Variants in PODN observed in about 807,000 individuals in gnomAD.
PODN encodes the protein podocan proteoglycan.
A neutral mutation model predicts 52.7 loss-of-function variants in PODN; 40 were observed. That is an observed-to-expected ratio of 0.76 (90% confidence interval 0.59 to 0.99). PODN has a LOEUF of 0.99. Among genes scored for constraint, PODN ranks in the 50% least tolerant of loss-of-function variants. PODN has a pLI of 0.00. For missense variants in PODN, 720 were observed against 815.1 expected, an observed-to-expected ratio of 0.88 and a Z score of 1.42; for synonymous variants, 396 against 377.9, an observed-to-expected ratio of 1.05 and a Z score of -0.56.
rs1644303389 is a variant in PODN, at chr1:53,082,045, G to A, written c.1726G>A (p.Val576Ile). Residue 576 changes from valine (V) to isoleucine (I), a missense_variant, in exon 10 of 11, where the codon GTC becomes ATC. By Grantham distance (29) the Val-to-Ile change is conservative (BLOSUM62 3). Transcript: ENST00000312553. ...SAFRRLKHLQ[V>I]LDIEGNLEFG... is the part of the protein sequence containing the mutation. ...CTTCCGGAGGCTGAAGCACCTGCAG[G>A]TCTTGGACATTGAAGGCAACTTAGA... 6.2e-7 allele frequency: 1 copy of A among 1,613,902 alleles called. No homozygotes were observed. Among genetic ancestry groups the A allele is most frequent in the Non-Finnish European group, 8.5e-7 (1 of 1,179,932 alleles).
chr1:53,066,170 T>C (rs994558360), intron 1 of PODN, among the ~76,000 whole-genome samples: 3 of 151,980 alleles, frequency 2.0e-5, no homozygotes, highest in African/African-American at 7.3e-5. Context: ...TAATTTTTTG[T>C]ATTTTTTAGA....
Position 53,078,847 on chromosome 1 carries a change from C to T in PODN, c.1337C>T (p.Pro446Leu), listed in dbSNP as rs1359707979. The T allele has an allele frequency of 6.2e-7, 1 of 1,612,676 alleles. No homozygotes were observed. The highest frequency in any genetic ancestry group is 1.3e-5 in the African/African-American group (1 of 74,952). The stretch of plus-strand genomic sequence containing the variant: ...TCGGGCAACCGGCTGCACACGCTGC[C>T]ACCTGGGCTGCCTCGAAATGTCCAT... ...DLSGNRLHTL[P>L]PGLPRNVHVL... Residue 446 changes from proline to leucine, a missense_variant, in exon 8 of 11, where the codon CCA (proline) becomes CTA (leucine). Transcript: ENST00000312553.
At chr1:53,080,610 C>T in intron 8 of PODN, 118 bp from the exon 9 acceptor site, 7 of 1,095,622 alleles carry the variant, frequency 6.4e-6, no homozygotes, top group Admixed American at 2.4e-5. Flanking sequence ...GACACCCCCC[C>T]TCCTCCACAC....
intron 1 of PODN, among the ~76,000 whole-genome samples, chr1:53,065,923 G>T (rs1644025319): frequency 6.6e-6 from 1 of 151,100 alleles, no homozygotes; most frequent in Non-Finnish European, 1.5e-5. Context: ...CTGCAGACCA[G>T]CACTGTCCAA....
intron 3 of PODN, chr1:53,073,297 A>G (rs1176489876): frequency 5.7e-6 from 1 of 175,072 alleles, no homozygotes; most frequent in Non-Finnish European, 1.2e-5. Flanking sequence ...TGCCATTCCA[A>G]TGGGACAAAT....
chr1:53,067,037 G>A (rs536446002), intron 1 of PODN, among the ~76,000 whole-genome samples: 10 of 152,306 alleles, frequency 6.6e-5, no homozygotes, highest in South Asian at 4.1e-4. Context: ...TGAGCTGGCC[G>A]TGGAGTTTAT....
chr1:53,074,555 C>T (rs2150299720), intron 3 of PODN, 51 bp from the exon 4 acceptor site: 2 of 1,606,546 alleles, frequency 1.2e-6, no homozygotes, highest in South Asian at 2.2e-5. Context: ...GCTGTGCTTC[C>T]CTGTGGCGTC....
At chr1:53,065,970 A>G (rs1249187392) in intron 1 of PODN, among the ~76,000 whole-genome samples, 1 of 149,954 alleles carries the variant, frequency 6.7e-6, no homozygotes, top group African/African-American at 2.5e-5. Context: ...CAAGCCACAT[A>G]TGCAATGCAA....
At position 53,083,486 on chromosome 1, in the gene PODN, A is replaced by T. The variant is rs137971623; in HGVS notation, c.*28-1027A>T. ...AGAAGTTGCTGGCTTTAGCAGGAGG[A>T]ACAAAGGGCAGGGTGGCTGCTGTCA... On this transcript the variant is annotated intron_variant, in intron 10 of 10. Coordinates refer to ENST00000312553, the MANE Select transcript of PODN (RefSeq NM_153703.5). 5.1e-3 allele frequency among the ~76,000 whole-genome samples: 776 copies of T among 152,192 alleles called. 2 individuals are homozygous for T. The highest frequency in any genetic ancestry group is 8.1e-3 in the Non-Finnish European group (554 of 68,014).
At chr1:53,074,438 G>A (rs1205414145) in intron 3 of PODN, among the ~76,000 whole-genome samples, 168 bp from the exon 4 acceptor site, 3 of 152,156 alleles carry the variant, frequency 2.0e-5, no homozygotes, top group African/African-American at 7.2e-5. Context: ...ATGTGAGCAA[G>A]GAGAAAGAAC....
rs572181794 is a variant in PODN at position 53,077,381 on chromosome 1, A to G, written c.738+35A>G. ...GGAGGGGTAAGGAGGGGCACAGCAGACCCCACAGCCAGGGCACTGGGGCAG... is the reference window on the plus strand; with the variant it reads ...GGAGGGGTAAGGAGGGGCACAGCAGGCCCCACAGCCAGGGCACTGGGGCAG... On this transcript the variant is annotated intron_variant, in intron 6 of 10. Transcript: ENST00000312553. The G allele has an allele frequency of 3.3e-5, 53 of 1,608,272 alleles. No homozygotes were observed. In the Admixed American group the frequency reaches 4.0e-4, roughly 12 times the overall value.
rs368381545 is a variant in PODN, at chr1:53,078,990, C to T, written c.1480C>T (p.Pro494Ser). ...CCGACTGCGCAGCCGAGCCCTGGGC[C>T]CCCGTGCCTGGGTGGACCTCGCCCA... The part of the protein sequence containing the change: ...SNRLRSRALG[P>S]RAWVDLAHLQ... Residue 494 changes from proline (P) to serine (S), a missense_variant, in exon 8 of 11, where the codon CCC becomes TCC. Transcript: ENST00000312553. The T allele has an allele frequency of 5.7e-6, 9 of 1,565,840 alleles. No homozygotes were observed. Among genetic ancestry groups the T allele is most frequent in the African/African-American group, 1.4e-5 (1 of 73,868 alleles).
chr1:53,068,037 T>C (rs112326603), intron 1 of PODN, among the ~76,000 whole-genome samples: 14,241 of 151,958 alleles, frequency 0.094, 1,091 homozygotes, highest in African/African-American at 0.21. Context: ...ACCATGCCCA[T>C]GGAACAGACA....
intron 6 of PODN, 21 bp from the exon 7 acceptor site, chr1:53,077,664 C>G (rs917656087): frequency 6.2e-7 from 1 of 1,600,830 alleles, no homozygotes; most frequent in African/African-American, 1.3e-5. Context: ...ACAATCTCCT[C>G]CCTTCCCTTC....
Position 53,080,709 on chromosome 1 carries a change from C to G in PODN, c.1513-19C>G. 6.2e-7 allele frequency: 1 copy of G among 1,611,900 alleles called. No individual in the cohort carries two copies. The highest frequency in any genetic ancestry group is 1.1e-5 in the South Asian group (1 of 90,634). On this transcript the variant is annotated intron_variant, in intron 8 of 10. Coordinates refer to ENST00000312553, the MANE Select transcript of PODN (RefSeq NM_153703.5). Reference sequence around the variant, plus strand: ...TTTGCACAGGTGGGAGTCCCTGACTCCCTTGGTCACCCCTGCAGCTGCTGG... The same window carrying G: ...TTTGCACAGGTGGGAGTCCCTGACTGCCTTGGTCACCCCTGCAGCTGCTGG...
chr1:53,066,672 G>A lies in PODN; in HGVS notation c.-55-3129G>A, dbSNP rs1352228483. 3 of 662,888 alleles carry A rather than the reference G, an allele frequency of 4.5e-6. No individual in the cohort carries two copies. The Admixed American group carries it at 8.3e-5, about 18-fold the overall frequency. The allele number at this position is 662,888 out of a possible 1,614,324, so 41.1% of individuals were successfully genotyped here. A position where few individuals can be genotyped will look rare whatever the true frequency, so the allele number is the denominator to read the frequency against. ...TAGCATTGTTGATATGACGTGGGCT[G>A]GGAGCTCAGCTTTGCCACTTAACAG... is the stretch of plus-strand genomic sequence containing the variant. On this transcript the variant is annotated intron_variant, in intron 1 of 10. Coordinates refer to ENST00000312553, the MANE Select transcript of PODN (RefSeq NM_153703.5).
chr1:53,066,875 C>T (rs1644040569), intron 1 of PODN: 2 of 1,548,412 alleles, frequency 1.3e-6, no homozygotes, highest in African/African-American at 2.7e-5. Flanking sequence ...CTGGTATGTG[C>T]ACAGGATATG....
At position 53,078,618 on chromosome 1, in the gene PODN, G is replaced by A. The variant is rs143961951; in HGVS notation, c.1108G>A (p.Ala370Thr). The change falls in exon 8 of 11, where the codon GCG becomes ACG. Residue 370 changes from alanine (A) to threonine (T), a missense_variant. By Grantham distance (58) the Ala-to-Thr change is moderately conservative (BLOSUM62 0). Transcript: ENST00000312553. ...RLHTVHLYNNALERVPSGLPR... is the reference protein window; with the variant it reads ...RLHTVHLYNNTLERVPSGLPR... Reference sequence around the variant, plus strand: ...GCACACGGTGCACCTGTACAACAACGCGCTGGAGCGCGTGCCCAGTGGCCT... The same window carrying A: ...GCACACGGTGCACCTGTACAACAACACGCTGGAGCGCGTGCCCAGTGGCCT... 15 of 1,613,010 alleles carry A rather than the reference G, an allele frequency of 9.3e-6. No homozygotes were observed. Among genetic ancestry groups the A allele is most frequent in the Non-Finnish European group, 1.3e-5 (15 of 1,179,984 alleles).
chr1:53,080,950 G>T (rs944085801), intron 9 of PODN, 74 bp downstream of exon 9: 88 of 1,565,744 alleles, frequency 5.6e-5, no homozygotes, highest in Non-Finnish European at 7.5e-5. Context: ...GTTGATGCAC[G>T]TGGGAACAGC....
Sources: gnomAD v4.1 joint callset for allele counts (sites outside exome capture counted in the v4.1 genomes callset) on GRCh38, gnomAD v4.1.1 for gene constraint, MANE v1.5 for transcripts, NCBI Gene and HGNC (gene_info 2026-07-23, HGNC 2026-07-21) for gene names.